TOX: variants seen among roughly 807,000 people sequenced by gnomAD.
The protein encoded by TOX is thymocyte selection-associated high mobility group box protein TOX.
Under a neutral mutation model 53.7 loss-of-function variants are expected in TOX, and 11 were observed. The ratio of observed to expected loss-of-function variants is 0.20; its 90% CI spans 0.13 to 0.34. The LOEUF is 0.34. Ranked by LOEUF, TOX falls within the 10% of genes least tolerant of loss-of-function variation. The probability of loss-of-function intolerance (pLI) is 1.00; values close to 1 mark genes in which losing one functional copy is unlikely to be tolerated. For missense variants in TOX, 570 were observed against 664.6 expected, an observed-to-expected ratio of 0.86 and a Z score of 1.56; for synonymous variants, 225 against 245.3, an observed-to-expected ratio of 0.92 and a Z score of 0.77.
chr8:59,055,256 A>G (rs1803870622), intron 1 of TOX, among the ~76,000 whole-genome samples: 13 of 152,218 alleles, frequency 8.5e-5, no homozygotes. Flanking sequence ...GTAAAGCAAT[A>G]GGAACCCTAC....
chr8:58,907,201 T>C (rs1478918604), intron 3 of TOX, among the ~76,000 whole-genome samples: 2 of 152,196 alleles, frequency 1.3e-5, no homozygotes, highest in South Asian at 2.1e-4. Flanking sequence ...CATACTGAAG[T>C]AGGTCCCCTG....
chr8:58,852,629 T>A (rs940875099), intron 3 of TOX, among the ~76,000 whole-genome samples: 2 of 152,168 alleles, frequency 1.3e-5, no homozygotes, highest in African/African-American at 4.8e-5. Context: ...AAGAGGAGTA[T>A]GGAGAATTTC....
In TOX at chr8:58,894,756, C is replaced by CCT. The variant is rs1263873027; in HGVS notation, c.412-42953_412-42952dup. Among the ~76,000 whole-genome samples, 6 of 151,960 alleles carry CCT rather than the reference C, an allele frequency of 3.9e-5. No individual in the cohort carries two copies. In the South Asian group the frequency reaches 1.2e-3, roughly 31 times the overall value. On this transcript the variant is annotated intron_variant, in intron 3 of 8. Coordinates refer to ENST00000361421, the MANE Select transcript of TOX (RefSeq NM_014729.3). ...TAAAAATATAAAAAAATTAGCCAGG[C>CCT]CTGGTGGCTGGCGCCTGTAATCCCA...
chr8:59,090,583 C>T (rs1804593086), intron 1 of TOX, among the ~76,000 whole-genome samples: 1 of 152,204 alleles, frequency 6.6e-6, no homozygotes, highest in Admixed American at 6.5e-5. Flanking sequence ...ATGTAACTTT[C>T]TTAAGGTCAT....
intron 2 of TOX, 75 bp from the exon 3 acceptor site, chr8:58,939,619 C>A: frequency 6.6e-7 from 1 of 1,516,996 alleles, no homozygotes; most frequent in Non-Finnish European, 8.9e-7. Flanking sequence ...AACACTTGAC[C>A]CTTTAGATAT....
intron 3 of TOX, among the ~76,000 whole-genome samples, chr8:58,936,037 G>T (rs1476701386): frequency 6.6e-6 from 1 of 152,138 alleles, no homozygotes; most frequent in Non-Finnish European, 1.5e-5. Context: ...TCTTACCGCT[G>T]CTATCTACAC....
intron 1 of TOX, among the ~76,000 whole-genome samples, chr8:58,997,088 A>G (rs1813573779): frequency 6.6e-6 from 1 of 152,226 alleles, no homozygotes; most frequent in Admixed American, 6.5e-5. Flanking sequence ...TCTGAAAGAG[A>G]TCTTACAAAA....
intron 1 of TOX, among the ~76,000 whole-genome samples, chr8:59,087,257 C>T (rs931535692): frequency 5.3e-5 from 8 of 152,132 alleles, no homozygotes; most frequent in African/African-American, 1.4e-4. Context: ...TGCCCAAAAC[C>T]GTTTTCATGA....
chr8:58,975,753 G>A (rs1260613666), intron 1 of TOX, among the ~76,000 whole-genome samples: 2 of 152,190 alleles, frequency 1.3e-5, no homozygotes, highest in South Asian at 4.2e-4. Context: ...GCTGCTGAAG[G>A]CTGGGGTAGG....
intron 1 of TOX, among the ~76,000 whole-genome samples, chr8:59,094,286 G>A (rs563757696): frequency 6.6e-6 from 1 of 152,194 alleles, no homozygotes; most frequent in South Asian, 2.1e-4. Context: ...TTCTGTATGA[G>A]TGAAAACATA....
At chr8:58,904,059 A>G (rs1408218293) in intron 3 of TOX, among the ~76,000 whole-genome samples, 2 of 152,210 alleles carry the variant, frequency 1.3e-5, no homozygotes, top group Non-Finnish European at 2.9e-5. Flanking sequence ...TGTTTAGAAA[A>G]TGAGGCTCAG....
At chr8:59,057,313 C>T (rs1187606754) in intron 1 of TOX, among the ~76,000 whole-genome samples, 1 of 152,088 alleles carries the variant, frequency 6.6e-6, no homozygotes, top group Non-Finnish European at 1.5e-5. Flanking sequence ...GTATTTATTA[C>T]ACCTCTGACA....
At chr8:58,994,440 AT>A (rs1404102022) in intron 1 of TOX, among the ~76,000 whole-genome samples, 303 of 135,474 alleles carry the variant, frequency 2.2e-3, no homozygotes, top group Middle Eastern at 7.2e-3. Flanking sequence ...ATGTGTGTGT[AT>A]TTTTTTTTTT....
chr8:58,857,434 G>C (rs1254223732), intron 3 of TOX, among the ~76,000 whole-genome samples: 1 of 152,036 alleles, frequency 6.6e-6, no homozygotes, highest in Non-Finnish European at 1.5e-5. Context: ...CACTTTTTTG[G>C]AAGACAGATC....
intron 1 of TOX, among the ~76,000 whole-genome samples, chr8:59,092,649 T>C (rs1804645979): frequency 6.6e-6 from 1 of 152,092 alleles, no homozygotes; most frequent in African/African-American, 2.4e-5. Context: ...TGCTGGTCTC[T>C]TCAGCTGGGA....
At position 58,844,841 on chromosome 8, in the gene TOX, T is replaced by C. The variant is rs146846410; in HGVS notation, c.694-6530A>G. 1.1e-4 allele frequency among the ~76,000 whole-genome samples: 17 copies of C among 152,220 alleles called. No homozygotes were observed. In the East Asian group the frequency reaches 3.3e-3, roughly 29 times the overall value. On this transcript the variant is annotated intron_variant, in intron 4 of 8. Transcript: ENST00000361421. ...TTATAAATAAATATTACACATAAGCTTTACACAGATACACGTGCTTCATGT... is the reference window on the plus strand; with the variant it reads ...TTATAAATAAATATTACACATAAGCCTTACACAGATACACGTGCTTCATGT...
intron 1 of TOX, among the ~76,000 whole-genome samples, chr8:59,027,893 TTGTTAGCTGGTTAAA>T (rs1462492923): frequency 6.6e-6 from 1 of 152,208 alleles, no homozygotes; most frequent in Non-Finnish European, 1.5e-5. Context: ...ATTCACATGG[TTGTTAGCTGGTTAAA>T]TTTAGCCAGG....
In TOX at chr8:59,066,081, G is replaced by A. The variant is rs529132752; in HGVS notation, c.102+52805C>T. Reference sequence around the variant, plus strand: ...AAACGAGGAGCATTTAAATGAGGGAGGAAAGTATACCAAACCACAGGGAAA... The same window carrying A: ...AAACGAGGAGCATTTAAATGAGGGAAGAAAGTATACCAAACCACAGGGAAA... On this transcript the variant is annotated intron_variant, in intron 1 of 8. Coordinates refer to ENST00000361421, the MANE Select transcript of TOX (RefSeq NM_014729.3). Among the ~76,000 whole-genome samples, 17 of 152,302 alleles carry A rather than the reference G, an allele frequency of 1.1e-4. No individual in the cohort carries two copies. The South Asian group carries it at 3.5e-3, about 32-fold the overall frequency.
At chr8:58,845,308 C>T (rs1810704368) in intron 4 of TOX, among the ~76,000 whole-genome samples, 1 of 152,214 alleles carries the variant, frequency 6.6e-6, no homozygotes, top group East Asian at 1.9e-4. Context: ...CCACTTATAA[C>T]TCTTATCATA....
Sources: allele counts gnomAD v4.1 joint callset (sites outside exome capture counted in the v4.1 genomes callset), GRCh38; gene constraint gnomAD v4.1.1; transcripts MANE v1.5; gene names NCBI Gene and HGNC (gene_info 2026-07-23, HGNC 2026-07-21).